BLTP1: variants seen among roughly 807,000 people sequenced by gnomAD.
BLTP1 encodes the protein bridge-like lipid transfer protein family member 1, also known as fragile site-associated protein.
the BLTP1 span, among the ~76,000 whole-genome samples, chr4:122,265,878 T>C: frequency 5.8e-4 from 89 of 152,308 alleles, 1 homozygote; most frequent in Admixed American, 1.0e-3. Context: ...TTTGTATTTT[T>C]AGTAGAGACA....
the BLTP1 span, chr4:122,267,580 T>C: frequency 1.1e-6 from 1 of 931,614 alleles, no homozygotes; most frequent in Non-Finnish European, 1.3e-6. Flanking sequence ...ATTTTTATGA[T>C]CTTAAGGGTT....
chr4:122,209,942 A>G, the BLTP1 span: 52 of 1,609,278 alleles, frequency 3.2e-5, no homozygotes, highest in Non-Finnish European at 4.4e-5. Context: ...TTTTTATATA[A>G]TTTGTGCTTT....
the BLTP1 span, chr4:122,340,598 GA>G: frequency 3.4e-6 from 1 of 295,288 alleles, no homozygotes; most frequent in Non-Finnish European, 5.0e-6. Flanking sequence ...ATGGTTATAG[GA>G]AATCATTTGT....
At chr4:122,236,715 A>G in the BLTP1 span, 2 of 907,016 alleles carry the variant, frequency 2.2e-6, no homozygotes, top group African/African-American at 1.8e-5. Flanking sequence ...ATTTATACTG[A>G]TGTGAAATGA....
At chr4:122,211,204 TGAG>T in the BLTP1 span, 2 of 981,936 alleles carry the variant, frequency 2.0e-6, no homozygotes, top group Non-Finnish European at 1.5e-6. Flanking sequence ...TTTAAAGTGT[TGAG>T]GATATACCAG....
chr4:122,355,882 G>A, the BLTP1 span: 3 of 1,612,744 alleles, frequency 1.9e-6, no homozygotes, highest in Non-Finnish European at 1.7e-6. Context: ...TGGATTCAGA[G>A]GAGGTTCTAG....
chr4:122,196,637 A>G, the BLTP1 span: 1 of 1,604,716 alleles, frequency 6.2e-7, no homozygotes, highest in South Asian at 1.1e-5. Flanking sequence ...TAATGTAGAG[A>G]TTGTTTGTGG....
At chr4:122,349,619 G>A in the BLTP1 span, 1 of 1,604,372 alleles carries the variant, frequency 6.2e-7, no homozygotes, top group Non-Finnish European at 8.5e-7. This position sits in a 1 kb window ranked among gnomAD's most constrained non-coding sequence, Gnocchi z 4.5. Context: ...ATAATACATT[G>A]GATTCAAGCA....
the BLTP1 span, among the ~76,000 whole-genome samples, chr4:122,173,906 G>C: frequency 6.6e-6 from 1 of 152,036 alleles, no homozygotes. Flanking sequence ...AGTTTTTCAT[G>C]TTCAATGTAG....
At chr4:122,164,759 AT>A in the BLTP1 span, among the ~76,000 whole-genome samples, 2,584 of 145,822 alleles carry the variant, frequency 0.018, 56 homozygotes, top group African/African-American at 0.051. Flanking sequence ...CATTTATTTT[AT>A]TTTTTTTTTT....
At chr4:122,269,138 C>T in the BLTP1 span, 1 of 852,132 alleles carries the variant, frequency 1.2e-6, no homozygotes. Context: ...TTGCAAGAGA[C>T]AGCTTTCATA....
chr4:122,181,958 T>G, the BLTP1 span, among the ~76,000 whole-genome samples: 1 of 152,150 alleles, frequency 6.6e-6, no homozygotes, highest in East Asian at 1.9e-4. Flanking sequence ...ATTGATAACA[T>G]CTACCAACCT....
At chr4:122,355,306 A>G in the BLTP1 span, among the ~76,000 whole-genome samples, 1 of 152,110 alleles carries the variant, frequency 6.6e-6, no homozygotes, top group Non-Finnish European at 1.5e-5. Context: ...GTTGGGGAAA[A>G]TCAGTACTTC....
chr4:122,271,949 A>G, the BLTP1 span, among the ~76,000 whole-genome samples: 2 of 152,250 alleles, frequency 1.3e-5, no homozygotes, highest in Admixed American at 6.5e-5. Flanking sequence ...AAGGATTTAG[A>G]CAGACCTGAT....
the BLTP1 span, among the ~76,000 whole-genome samples, chr4:122,296,347 A>C: frequency 6.6e-6 from 1 of 152,340 alleles, no homozygotes; most frequent in South Asian, 2.1e-4. Context: ...ATACCTAGGA[A>C]TACAGCTAAC....
At chr4:122,220,518 T>C in the BLTP1 span, 6 of 1,475,844 alleles carry the variant, frequency 4.1e-6, no homozygotes, top group Non-Finnish European at 5.6e-6. Flanking sequence ...TTATTATTAA[T>C]ATTTATTGGG....
chr4:122,191,393 G>C, the BLTP1 span, among the ~76,000 whole-genome samples: 2 of 152,118 alleles, frequency 1.3e-5, no homozygotes, highest in Admixed American at 6.5e-5. Context: ...GAGCTTGACA[G>C]CATCCCAATA....
the BLTP1 span, chr4:122,308,112 C>A: frequency 6.2e-7 from 1 of 1,613,430 alleles, no homozygotes; most frequent in Non-Finnish European, 8.5e-7. Flanking sequence ...TTCTCCAGCT[C>A]ACTGTCAATG....
chr4:122,279,377 C>T, the BLTP1 span, among the ~76,000 whole-genome samples: 3 of 152,274 alleles, frequency 2.0e-5, no homozygotes, highest in East Asian at 5.8e-4. Context: ...CATTTGTAAA[C>T]TGCTGATTGC....
Sources: gnomAD v4.1 joint callset for allele counts (sites outside exome capture counted in the v4.1 genomes callset) on GRCh38, gnomAD v4.1.1 for gene constraint, Gnocchi (gnomAD v3.1) non-coding constraint, MANE v1.5 for transcripts, NCBI Gene and HGNC (gene_info 2026-07-23, HGNC 2026-07-21) for gene names.